The following MBD5 variants were observed in gnomAD, a reference collection of about 807,000 sequenced individuals.
The protein encoded by MBD5 is methyl-CpG-binding domain protein 5.
Under a neutral mutation model 117.3 loss-of-function variants are expected in MBD5, and 13 were observed. That is an observed-to-expected ratio of 0.11 (90% CI 0.07 to 0.18). The LOEUF (loss-of-function observed/expected upper bound fraction) is 0.18, where lower values mean the gene tolerates loss of function less well. MBD5 is among the 10% of genes least tolerant of loss of function. MBD5 has a pLI of 1.00. For missense variants in MBD5, 1,879 were observed against 2,093.8 expected, an observed-to-expected ratio of 0.90 and a Z score of 2.00; for synonymous variants, 727 against 766.4, an observed-to-expected ratio of 0.95 and a Z score of 0.85.
At chr2:148,144,723 GT>G (rs1697406731) in intron 1 of MBD5, among the ~76,000 whole-genome samples, 1 of 152,076 alleles carries the variant, frequency 6.6e-6, no homozygotes, top group South Asian at 2.1e-4. Context: ...CCCATTTCTT[GT>G]TTTCGTCAGG....
intron 2 of MBD5, among the ~76,000 whole-genome samples, chr2:148,229,444 A>T (rs12691781): frequency 0.6 from 91,290 of 151,920 alleles, 27,638 homozygotes; most frequent in East Asian, 0.71. Context: ...GCCATTTTGA[A>T]TTCTCTGTCT....
At chr2:148,119,944 C>T (rs1696727583) in intron 1 of MBD5, among the ~76,000 whole-genome samples, 2 of 150,614 alleles carry the variant, frequency 1.3e-5, no homozygotes, top group African/African-American at 2.4e-5. Context: ...CACTTTGTCA[C>T]GCATGCTCAA....
At chr2:148,179,304 G>C (rs1481135210) in intron 2 of MBD5, among the ~76,000 whole-genome samples, 1 of 149,722 alleles carries the variant, frequency 6.7e-6, no homozygotes, top group African/African-American at 2.5e-5. Context: ...GCAGTGAGCC[G>C]AGATCGCACC....
chr2:148,477,270 TC>T (rs772851095), intron 8 of MBD5, among the ~76,000 whole-genome samples: 3 of 152,126 alleles, frequency 2.0e-5, no homozygotes, highest in Non-Finnish European at 2.9e-5. Context: ...CTCCTCCCCA[TC>T]CTCTTGGCCC....
At chr2:148,405,571 A>G (rs889153591) in intron 4 of MBD5, among the ~76,000 whole-genome samples, 1 of 152,192 alleles carries the variant, frequency 6.6e-6, no homozygotes, top group Non-Finnish European at 1.5e-5. Context: ...ATCCAGGAAG[A>G]AAGGAGTGCT....
Position 148,407,784 on chromosome 2 carries a change from T to C in MBD5, c.-556-50419T>C, listed in dbSNP as rs527259402. On this transcript the variant is annotated intron_variant, in intron 4 of 13. Transcript: ENST00000642680. Reference sequence around the variant, plus strand: ...TTTCTTATACATTTGTTAAATTCCTTTCATTTGTCCCTCTTGTTTTTAGTG... The same window carrying C: ...TTTCTTATACATTTGTTAAATTCCTCTCATTTGTCCCTCTTGTTTTTAGTG... Among the ~76,000 whole-genome samples the C allele has an allele frequency of 7.2e-5, 11 of 152,300 alleles. No individual in the cohort carries two copies. The South Asian group carries it at 2.3e-3, about 32-fold the overall frequency.
intron 1 of MBD5, among the ~76,000 whole-genome samples, chr2:148,149,784 G>T (rs968307719): frequency 2.0e-5 from 3 of 151,908 alleles, no homozygotes; most frequent in Non-Finnish European, 4.4e-5. Context: ...TTTTGATGGG[G>T]TTGTTTGTTT....
intron 4 of MBD5, among the ~76,000 whole-genome samples, chr2:148,374,973 CATTT>C (rs1264300146): frequency 7.2e-5 from 11 of 152,008 alleles, no homozygotes; most frequent in African/African-American, 2.7e-4. Context: ...ATTTTGAATT[CATTT>C]AAGTTCTTAG....
chr2:148,480,240 C>T (rs759438822), intron 8 of MBD5, among the ~76,000 whole-genome samples: 3 of 152,056 alleles, frequency 2.0e-5, no homozygotes, highest in East Asian at 1.9e-4. Context: ...ATCTATACTT[C>T]GCTTCTTCTA....
intron 3 of MBD5, among the ~76,000 whole-genome samples, chr2:148,299,836 T>C (rs1701741237): frequency 6.6e-6 from 1 of 152,194 alleles, no homozygotes; most frequent in African/African-American, 2.4e-5. Flanking sequence ...ACCTTTTATA[T>C]TTGCCCATAG....
chr2:148,463,955 C>T (rs746489599), intron 7 of MBD5, 36 bp downstream of exon 7: 1 of 1,601,914 alleles, frequency 6.2e-7, no homozygotes, highest in Admixed American at 1.7e-5. Context: ...GAATTCTCCT[C>T]TCCCTAGAGA....
intron 1 of MBD5, among the ~76,000 whole-genome samples, chr2:148,168,988 T>C (rs1222917715): frequency 6.7e-6 from 1 of 149,390 alleles, no homozygotes; most frequent in Non-Finnish European, 1.5e-5. Context: ...AATATATATA[T>C]ATATATTCCA....
chr2:148,376,323 A>T (rs1359435347), intron 4 of MBD5, among the ~76,000 whole-genome samples: 2 of 143,520 alleles, frequency 1.4e-5, no homozygotes, highest in Non-Finnish European at 3.0e-5. Flanking sequence ...GCTGGAGTGC[A>T]GCGGCGCAGT....
intron 2 of MBD5, among the ~76,000 whole-genome samples, chr2:148,195,184 T>G (rs72854868): frequency 2.1e-4 from 32 of 151,444 alleles, no homozygotes; most frequent in Admixed American, 4.6e-4. Context: ...ATTTTAAATA[T>G]AAAAACACAG....
chr2:148,438,763 C>T (rs971832683), intron 4 of MBD5, among the ~76,000 whole-genome samples: 1 of 152,138 alleles, frequency 6.6e-6, no homozygotes, highest in African/African-American at 2.4e-5. Flanking sequence ...ACATGTAGTT[C>T]TGATGTCCAA....
intron 4 of MBD5, among the ~76,000 whole-genome samples, chr2:148,366,110 T>C (rs889076716): frequency 3.3e-5 from 5 of 151,962 alleles, no homozygotes; most frequent in African/African-American, 1.2e-4. Flanking sequence ...CAGCAGTACA[T>C]CAGAAAGCTC....
intron 4 of MBD5, among the ~76,000 whole-genome samples, chr2:148,385,379 T>A (rs1559049157): frequency 1.3e-5 from 2 of 152,248 alleles, no homozygotes; most frequent in Non-Finnish European, 2.9e-5. Context: ...TCACTGGCCA[T>A]CAGAGAAATG....
chr2:148,328,580 T>A lies in MBD5; in HGVS notation c.-679-13634T>A, dbSNP rs899593831. ...TTAAGCCCATCGGAAAAGCGCAGTA[T>A]TCGGGTGGGAGTGACCCAATTTTCC... On this transcript the variant is annotated intron_variant, in intron 3 of 13. Transcript: ENST00000642680. 2.6e-5 allele frequency among the ~76,000 whole-genome samples: 4 copies of A among 152,132 alleles called. No individual in the cohort carries two copies. In the East Asian group the frequency reaches 7.7e-4, roughly 29 times the overall value.
chr2:148,021,473 T>A lies in MBD5; in HGVS notation c.-1136T>A. On this transcript the variant is annotated 5_prime_UTR_variant, in exon 1 of 14. Coordinates refer to ENST00000642680, the MANE Select transcript of MBD5 (RefSeq NM_001378120.1). ...CCTTTGCTGCTGCTGTTGCTGCTGC[T>A]GCTGCTGTTGCTGCTGCTGCTGCTA... 1.7e-6 allele frequency: 1 copy of A among 577,854 alleles called. No individual in the cohort carries two copies. Among genetic ancestry groups the A allele is most frequent in the Non-Finnish European group, 3.3e-6 (1 of 300,066 alleles). 35.8% of individuals were successfully genotyped at this position (577,854 alleles called of 1,614,324 possible). A position where few individuals can be genotyped will look rare whatever the true frequency, so the allele number is the denominator to read the frequency against.
Sources: allele counts gnomAD v4.1 joint callset (sites outside exome capture counted in the v4.1 genomes callset), GRCh38; gene constraint gnomAD v4.1.1; transcripts MANE v1.5; gene names NCBI Gene and HGNC (gene_info 2026-07-23, HGNC 2026-07-21).